DENND1A: variants seen among roughly 807,000 people sequenced by gnomAD.
The protein encoded by DENND1A is DENN domain-containing protein 1A.
DENND1A carries 51 observed loss-of-function variants against 113.7 expected under a neutral mutation model. That is an observed-to-expected ratio of 0.45 (90% CI 0.36 to 0.57). The LOEUF (loss-of-function observed/expected upper bound fraction) is 0.57. DENND1A is among the 20% of genes least tolerant of loss of function. The pLI is 0.00. For synonymous variants in DENND1A, 565 were observed against 570.8 expected (o/e 0.99, Z 0.14); for missense variants, 1,258 against 1,395.9 (o/e 0.90, Z 1.57).
intron 8 of DENND1A, among the ~76,000 whole-genome samples, chr9:123,662,542 G>T (rs556505005): frequency 6.6e-6 from 1 of 152,282 alleles, no homozygotes; most frequent in South Asian, 2.1e-4. Context: ...CAGCCTGAAT[G>T]ACAGAGCGAG....
At chr9:123,908,617 T>C (rs1446757780) in intron 1 of DENND1A, among the ~76,000 whole-genome samples, 1 of 151,014 alleles carries the variant, frequency 6.6e-6, no homozygotes, top group Non-Finnish European at 1.5e-5. Context: ...TCACTGGCCA[T>C]CAGAGAAATG....
intron 7 of DENND1A, among the ~76,000 whole-genome samples, chr9:123,667,297 G>T (rs73580149): frequency 6.6e-6 from 1 of 152,100 alleles, no homozygotes; most frequent in East Asian, 1.9e-4. Context: ...TTCTATGAGA[G>T]GAGAACTTCT....
chr9:123,876,543 C>G (rs933715191), intron 2 of DENND1A, among the ~76,000 whole-genome samples: 1 of 152,070 alleles, frequency 6.6e-6, no homozygotes, highest in Non-Finnish European at 1.5e-5. Context: ...AGCAATAATT[C>G]TGTGTGTGTA....
At chr9:123,584,661 C>A (rs17286782) in intron 11 of DENND1A, among the ~76,000 whole-genome samples, 2,757 of 152,256 alleles carry the variant, frequency 0.018, 36 homozygotes, top group Non-Finnish European at 0.026. Flanking sequence ...ATGTTATTGC[C>A]CTCAATGTTT....
chr9:123,440,241 T>G, intron 19 of DENND1A, 119 bp downstream of exon 19: 3 of 1,218,818 alleles, frequency 2.5e-6, no homozygotes, highest in Non-Finnish European at 3.3e-6. Context: ...AAAACCTCCA[T>G]GGAGCTGCAC....
intron 13 of DENND1A, among the ~76,000 whole-genome samples, chr9:123,537,255 C>G (rs1416142971): frequency 2.0e-5 from 3 of 151,752 alleles, no homozygotes; most frequent in Admixed American, 1.3e-4. Flanking sequence ...AAAAAAAGAA[C>G]TAGATTATTA....
chr9:123,654,500 G>GA (rs139017818), intron 8 of DENND1A, among the ~76,000 whole-genome samples: 2 of 150,788 alleles, frequency 1.3e-5, no homozygotes, highest in East Asian at 1.9e-4. Context: ...TTTGGTGGGA[G>GA]AAAAAAAAAT....
chr9:123,577,996 C>T (rs1353671805), intron 12 of DENND1A, among the ~76,000 whole-genome samples: 1 of 152,194 alleles, frequency 6.6e-6, no homozygotes, highest in African/African-American at 2.4e-5. Context: ...GATTCCTAGA[C>T]TTGTGTGAGC....
chr9:123,414,617 T>C, intron 19 of DENND1A: 1 of 1,550,234 alleles, frequency 6.5e-7, no homozygotes, highest in African/African-American at 1.4e-5. Context: ...CTGGTGAGTC[T>C]TGCAAGAAAA....
chr9:123,777,178 C>A (rs1830590385), intron 3 of DENND1A, among the ~76,000 whole-genome samples: 2 of 152,192 alleles, frequency 1.3e-5, no homozygotes, highest in South Asian at 2.1e-4. Flanking sequence ...AGGCATTATG[C>A]AAATTCTACC....
At chr9:123,870,919 A>G (rs1010345191) in intron 2 of DENND1A, among the ~76,000 whole-genome samples, 7 of 152,114 alleles carry the variant, frequency 4.6e-5, no homozygotes, top group Non-Finnish European at 1.0e-4. Flanking sequence ...TAGCTATTCT[A>G]TTGCCATTCT....
intron 5 of DENND1A, among the ~76,000 whole-genome samples, chr9:123,725,455 A>G (rs1176768725): frequency 2.6e-5 from 4 of 152,240 alleles, no homozygotes; most frequent in Non-Finnish European, 5.9e-5. Flanking sequence ...CACACTCCCT[A>G]TAATTCAAAC....
At chr9:123,403,534 G>C in intron 20 of DENND1A, 44 bp from the exon 21 acceptor site, 3 of 1,565,224 alleles carry the variant, frequency 1.9e-6, no homozygotes, top group Non-Finnish European at 2.6e-6. Flanking sequence ...GAGTGAGTTG[G>C]AAAAGCCATA....
chr9:123,791,944 A>T (rs1833049074), intron 3 of DENND1A, among the ~76,000 whole-genome samples: 1 of 152,222 alleles, frequency 6.6e-6, no homozygotes, highest in Admixed American at 6.5e-5. Flanking sequence ...CTGAATGTAT[A>T]ACCTAGAACT....
At chr9:123,457,734 A>G (rs2048236385) in intron 14 of DENND1A, 59 bp downstream of exon 14, 5 of 1,487,558 alleles carry the variant, frequency 3.4e-6, no homozygotes, top group Middle Eastern at 4.2e-4. Context: ...TAGAGTGGAG[A>G]CAGCTGCAGA....
At chr9:123,704,346 T>C (rs945337062) in intron 5 of DENND1A, among the ~76,000 whole-genome samples, 1 of 152,154 alleles carries the variant, frequency 6.6e-6, no homozygotes, top group African/African-American at 2.4e-5. Flanking sequence ...GGCTACATCT[T>C]TAGTGTAAGG....
At position 123,843,073 on chromosome 9, in the gene DENND1A, A is replaced by G. The variant is rs542760973; in HGVS notation, c.88+35878T>C. 3.1e-4 allele frequency: 165 copies of G among 532,378 alleles called. 2 individuals carry two copies. Among genetic ancestry groups the G allele is most frequent in the South Asian group, 1.3e-3 (94 of 69,996 alleles). The allele number at this position is 532,378 out of a possible 1,614,324, so 33.0% of individuals were successfully genotyped here. ...GACATCAAAAAACTACTTTATACCCATATTTTATGCATATTTTCAATTATC... is the reference window on the plus strand; with the variant it reads ...GACATCAAAAAACTACTTTATACCCGTATTTTATGCATATTTTCAATTATC... On this transcript the variant is annotated intron_variant, in intron 2 of 23. Coordinates refer to ENST00000394215, the MANE Select transcript of DENND1A (RefSeq NM_001352964.2).
At chr9:123,800,941 A>G (rs1834543537) in intron 2 of DENND1A, among the ~76,000 whole-genome samples, 1 of 152,206 alleles carries the variant, frequency 6.6e-6, no homozygotes, top group South Asian at 2.1e-4. Flanking sequence ...CTAAACCACA[A>G]TGAGAACCCC....
At chr9:123,659,060 T>C (rs988956877) in intron 8 of DENND1A, among the ~76,000 whole-genome samples, 2 of 152,186 alleles carry the variant, frequency 1.3e-5, no homozygotes, top group Admixed American at 6.5e-5. Flanking sequence ...TATAAGGCTG[T>C]TGTGAAGATT....
Sources: allele counts gnomAD v4.1 joint callset (sites outside exome capture counted in the v4.1 genomes callset), GRCh38; gene constraint gnomAD v4.1.1; transcripts MANE v1.5; gene names NCBI Gene and HGNC (gene_info 2026-07-23, HGNC 2026-07-21).